Variants in APBB2 observed in about 807,000 individuals in gnomAD.
APBB2 encodes amyloid beta precursor protein binding family B member 2.
In APBB2, 38 loss-of-function variants were observed where a neutral mutation model predicts 82.5. The ratio of observed to expected loss-of-function variants is 0.46; its 90% CI spans 0.36 to 0.60. The LOEUF (loss-of-function observed/expected upper bound fraction) is 0.60, where lower values mean the gene tolerates loss of function less well. Ranked by LOEUF, APBB2 falls within the 20% of genes least tolerant of loss-of-function variation. The probability of loss-of-function intolerance (pLI) is 0.00; values close to 1 mark genes in which losing one functional copy is unlikely to be tolerated. For synonymous variants in APBB2, 341 were observed against 368.2 expected (o/e 0.93, Z 0.85); for missense variants, 772 against 972.3 (o/e 0.79, Z 2.74).
chr4:41,178,253 C>T (rs2154059631), intron 1 of APBB2, among the ~76,000 whole-genome samples: 1 of 152,260 alleles, frequency 6.6e-6, no homozygotes, highest in East Asian at 1.9e-4. Context: ...TTCTTCCAGA[C>T]TCCAATCCTT....
Position 41,054,899 on chromosome 4 carries a change from C to G in APBB2, c.-51+10677G>C, listed in dbSNP as rs76820643. Among the ~76,000 whole-genome samples the G allele has an allele frequency of 6.6e-3, 1,011 of 152,200 alleles. 15 individuals are homozygous for G. The highest frequency in any genetic ancestry group is 0.022 in the African/African-American group (901 of 41,518). ...ATGCTGCTCTCGCCACCTCCCTGCC[C>G]CTCCCGATCAAACAGGCACATCCAT... On this transcript the variant is annotated intron_variant, in intron 4 of 17. Transcript: ENST00000508593.
chr4:40,824,331 C>G (rs76901773), intron 15 of APBB2, among the ~76,000 whole-genome samples: 1 of 152,062 alleles, frequency 6.6e-6, no homozygotes. Flanking sequence ...GTGGATCCCC[C>G]CATTGAGTAG....
At chr4:41,160,014 GAAGA>G (rs1764668540) in intron 1 of APBB2, among the ~76,000 whole-genome samples, 1 of 148,356 alleles carries the variant, frequency 6.7e-6, no homozygotes, top group African/African-American at 2.6e-5. Context: ...AGAAGAAGAA[GAAGA>G]AGAAGAAGAA....
intron 6 of APBB2, among the ~76,000 whole-genome samples, chr4:40,950,540 A>G (rs557881425): frequency 1.7e-4 from 26 of 152,230 alleles, no homozygotes; most frequent in African/African-American, 5.8e-4. Flanking sequence ...AGGGAGATGC[A>G]TGTCTACTAA....
chr4:41,173,909 C>T (rs10049948), intron 1 of APBB2, among the ~76,000 whole-genome samples: 21,290 of 152,152 alleles, frequency 0.14, 2,557 homozygotes, highest in African/African-American at 0.33. Context: ...CCACAATACC[C>T]AGAAGCTACA....
At chr4:41,091,378 A>AC (rs747380605) in intron 3 of APBB2, among the ~76,000 whole-genome samples, 36 of 152,238 alleles carry the variant, frequency 2.4e-4, no homozygotes, top group South Asian at 1.7e-3. Flanking sequence ...TAGCGAAGTC[A>AC]CCCCCCGTTT....
At chr4:40,930,791 A>G (rs1442888626) in intron 10 of APBB2, among the ~76,000 whole-genome samples, 1 of 152,168 alleles carries the variant, frequency 6.6e-6, no homozygotes, top group Non-Finnish European at 1.5e-5. Context: ...TCTGTCGCCC[A>G]GGCTGGAGTG....
chr4:40,904,650 A>G (rs1416176676), intron 10 of APBB2, among the ~76,000 whole-genome samples: 1 of 148,622 alleles, frequency 6.7e-6, no homozygotes, highest in African/African-American at 2.5e-5. Context: ...GTCATTATGT[A>G]TATGGTTTTA....
intron 2 of APBB2, among the ~76,000 whole-genome samples, chr4:41,101,470 C>CAAAAAAAAAAA (rs150527764): frequency 5.8e-4 from 42 of 72,526 alleles, no homozygotes; most frequent in Non-Finnish European, 8.3e-4. Context: ...GACTCCGTCT[C>CAAAAAAAAAAA]AAAAAAAAAA....
intron 4 of APBB2, among the ~76,000 whole-genome samples, chr4:41,062,319 C>T (rs1164033005): frequency 1.3e-5 from 2 of 150,190 alleles, no homozygotes; most frequent in Admixed American, 6.7e-5. Flanking sequence ...ATTACAGGCG[C>T]CCTCAAACAC....
At chr4:40,886,649 C>A (rs999731357) in intron 12 of APBB2, among the ~76,000 whole-genome samples, 34 of 152,152 alleles carry the variant, frequency 2.2e-4, no homozygotes, top group African/African-American at 8.0e-4. Context: ...CCAAACTCAC[C>A]TTTGAGACAG....
At chr4:40,855,170 C>T (rs1177578659) in intron 12 of APBB2, among the ~76,000 whole-genome samples, 1 of 152,200 alleles carries the variant, frequency 6.6e-6, no homozygotes, top group Non-Finnish European at 1.5e-5. Flanking sequence ...ATCTTCTTGT[C>T]TCACCTTGGT....
intron 1 of APBB2, among the ~76,000 whole-genome samples, chr4:41,178,550 C>T (rs1292965423): frequency 2.0e-5 from 3 of 152,358 alleles, no homozygotes; most frequent in Admixed American, 6.5e-5. Flanking sequence ...CCATCTATCA[C>T]AGTGCATGGC....
At chr4:40,860,462 G>A (rs770360466) in intron 12 of APBB2, among the ~76,000 whole-genome samples, 6 of 152,166 alleles carry the variant, frequency 3.9e-5, no homozygotes, top group Non-Finnish European at 7.4e-5. Context: ...GCAACACCAG[G>A]GAAGTTATGC....
At chr4:41,047,818 C>CA (rs942952031) in intron 4 of APBB2, among the ~76,000 whole-genome samples, 1 of 152,204 alleles carries the variant, frequency 6.6e-6, no homozygotes, top group Non-Finnish European at 1.5e-5. Flanking sequence ...CTGATGGTTC[C>CA]AAGAGAAGGT....
In APBB2 at chr4:40,975,964, C is replaced by CT. The variant is rs1289683074; in HGVS notation, c.836-30892dup. The stretch of plus-strand genomic sequence containing the variant: ...CCAGTAAATTTACATTACTCAAATG[C>CT]TTTTTTTTTCTTTTTTTCCCCACAC... On this transcript the variant is annotated intron_variant, in intron 6 of 17. Coordinates refer to ENST00000508593, the MANE Select transcript of APBB2 (RefSeq NM_004307.2). Among the ~76,000 whole-genome samples the CT allele has an allele frequency of 1.4e-4, 21 of 151,060 alleles. No individual in the cohort carries two copies. In the South Asian group the frequency reaches 3.1e-3, roughly 23 times the overall value.
intron 6 of APBB2, among the ~76,000 whole-genome samples, chr4:40,992,594 A>T (rs1802451700): frequency 6.6e-6 from 1 of 152,156 alleles, no homozygotes; most frequent in Admixed American, 6.5e-5. Flanking sequence ...TGTAGTAAGG[A>T]AGAGAGCAAA....
At chr4:41,042,151 T>G (rs1286204335) in intron 4 of APBB2, among the ~76,000 whole-genome samples, 3 of 151,956 alleles carry the variant, frequency 2.0e-5, no homozygotes, top group Non-Finnish European at 4.4e-5. Context: ...CCACCACACC[T>G]GGCTAAATTT....
At chr4:41,162,990 G>GA (rs1201068583) in intron 1 of APBB2, among the ~76,000 whole-genome samples, 1 of 152,226 alleles carries the variant, frequency 6.6e-6, no homozygotes, top group Non-Finnish European at 1.5e-5. Context: ...CACAATCCAA[G>GA]AAAGGTGATA....
Sources: gnomAD v4.1 joint callset for allele counts (sites outside exome capture counted in the v4.1 genomes callset) on GRCh38, gnomAD v4.1.1 for gene constraint, MANE v1.5 for transcripts, NCBI Gene and HGNC (gene_info 2026-07-23, HGNC 2026-07-21) for gene names.